Variants in HS3ST3A1 observed in about 807,000 individuals in gnomAD.
HS3ST3A1 encodes heparan sulfate-glucosamine 3-sulfotransferase 3A1, also known as heparan sulfate glucosamine 3-O-sulfotransferase 3A1.
Under a neutral mutation model 25.7 loss-of-function variants are expected in HS3ST3A1, and 19 were observed. The ratio of observed to expected loss-of-function variants is 0.74; its 90% CI spans 0.52 to 1.08. The LOEUF is 1.08. HS3ST3A1 is among the 50% of genes least tolerant of loss of function. The pLI, the probability that HS3ST3A1 is intolerant of heterozygous loss-of-function variation, is 0.00. For missense variants in HS3ST3A1, 459 were observed against 594.3 expected (o/e 0.77, Z 2.37); for synonymous variants, 226 against 278.6 (o/e 0.81, Z 1.88).
chr17:13,596,694 C>T (rs1908587754), intron 1 of HS3ST3A1, among the ~76,000 whole-genome samples: 1 of 152,130 alleles, frequency 6.6e-6, no homozygotes, highest in South Asian at 2.1e-4. Context: ...GACAGAGCGC[C>T]CTTGGCCATC....
chr17:13,549,395 G>T lies in HS3ST3A1; in HGVS notation c.599+51136C>A, dbSNP rs138765977. Reference sequence around the variant, plus strand: ...TCATTCTTGAAGTCAGCAAGACCAAGAACCCACCGGAAGGAATAAATTCGG... The same window carrying T: ...TCATTCTTGAAGTCAGCAAGACCAATAACCCACCGGAAGGAATAAATTCGG... On this transcript the variant is annotated intron_variant, in intron 1 of 1. Coordinates refer to ENST00000284110, the MANE Select transcript of HS3ST3A1 (RefSeq NM_006042.3). Among the ~76,000 whole-genome samples, 19 of 152,324 alleles carry T rather than the reference G, an allele frequency of 1.2e-4. No individual in the cohort carries two copies. The East Asian group carries it at 3.7e-3, about 29-fold the overall frequency.
chr17:13,502,902 C>A (rs1261647785), intron 1 of HS3ST3A1, among the ~76,000 whole-genome samples: 4 of 149,668 alleles, frequency 2.7e-5, no homozygotes, highest in African/African-American at 9.8e-5. Context: ...AAAATAGGGC[C>A]AGGGGTGGTG....
At chr17:13,499,666 T>C (rs1277295839) in intron 1 of HS3ST3A1, among the ~76,000 whole-genome samples, 1 of 151,968 alleles carries the variant, frequency 6.6e-6, no homozygotes, top group Non-Finnish European at 1.5e-5. Context: ...AGGCTATAGA[T>C]TGCGCTGGGC....
At chr17:13,521,119 G>T (rs1906221091) in intron 1 of HS3ST3A1, among the ~76,000 whole-genome samples, 1 of 152,156 alleles carries the variant, frequency 6.6e-6, no homozygotes, top group South Asian at 2.1e-4. Flanking sequence ...CCAAACTCTT[G>T]CTTCTGAGTT....
At chr17:13,525,286 T>G (rs1210734502) in intron 1 of HS3ST3A1, among the ~76,000 whole-genome samples, 2 of 152,234 alleles carry the variant, frequency 1.3e-5, no homozygotes, top group East Asian at 3.8e-4. Flanking sequence ...CCATATCAGG[T>G]AATTTGGACA....
At chr17:13,550,707 A>AAACAACAACAACAACAAC (rs150129442) in intron 1 of HS3ST3A1, among the ~76,000 whole-genome samples, 21 of 151,382 alleles carry the variant, frequency 1.4e-4, no homozygotes, top group African/African-American at 5.1e-4. Context: ...GCAAACACCA[A>AAACAACAACAACAACAAC]AACAACAACA....
intron 1 of HS3ST3A1, among the ~76,000 whole-genome samples, chr17:13,593,462 C>A (rs933080069): frequency 2.0e-5 from 3 of 151,982 alleles, no homozygotes; most frequent in East Asian, 1.9e-4. Context: ...GGTTCGGAAA[C>A]AAGAGAGTAG....
intron 1 of HS3ST3A1, among the ~76,000 whole-genome samples, chr17:13,568,351 T>C (rs1907726262): frequency 6.6e-6 from 1 of 152,218 alleles, no homozygotes; most frequent in Non-Finnish European, 1.5e-5. Flanking sequence ...TATTGTAATA[T>C]TTGCTTTACT....
intron 1 of HS3ST3A1, among the ~76,000 whole-genome samples, chr17:13,560,295 A>AAAAAAAAAAAAAAAAAAAAAAAG: frequency 7.9e-6 from 1 of 126,154 alleles, no homozygotes; most frequent in South Asian, 2.8e-4. Context: ...TCTCCAAAAA[A>AAAAAAAAAAAAAAAAAAAAAAAG]AAAAAAAAAA....
At chr17:13,582,509 A>G (rs1272781120) in intron 1 of HS3ST3A1, among the ~76,000 whole-genome samples, 2 of 152,246 alleles carry the variant, frequency 1.3e-5, no homozygotes, top group Non-Finnish European at 2.9e-5. Context: ...AGCTATTTAA[A>G]TGAACTATGC....
chr17:13,528,401 T>A (rs1016504766), intron 1 of HS3ST3A1, among the ~76,000 whole-genome samples: 5 of 152,208 alleles, frequency 3.3e-5, no homozygotes, highest in African/African-American at 1.2e-4. Context: ...AGGCTCCATC[T>A]CACTCTCGAG....
chr17:13,590,486 T>A (rs1316646434), intron 1 of HS3ST3A1, among the ~76,000 whole-genome samples: 1 of 152,208 alleles, frequency 6.6e-6, no homozygotes, highest in African/African-American at 2.4e-5. Context: ...AGCCCTGAGT[T>A]CTTGTCTTTC....
chr17:13,521,207 G>A (rs1014872579), intron 1 of HS3ST3A1, among the ~76,000 whole-genome samples: 1 of 152,172 alleles, frequency 6.6e-6, no homozygotes, highest in Non-Finnish European at 1.5e-5. Flanking sequence ...TCTGCTTTCA[G>A]ATCCTTTGCT....
intron 1 of HS3ST3A1, among the ~76,000 whole-genome samples, chr17:13,587,173 A>T (rs1908298171): frequency 6.6e-6 from 1 of 151,672 alleles, no homozygotes; most frequent in African/African-American, 2.4e-5. Context: ...ATAATCTTTG[A>T]GGCCGGGCAC....
In HS3ST3A1 at chr17:13,600,803, C is replaced by G; in HGVS notation, c.327G>C (p.Glu109Asp). ...RRPPAPRDDG[E>D]EAAWEEESPG... ...GGGACTCTTCTTCCCAGGCCGCCTC[C>G]TCGCCGTCGTCGCGGGGCGCGGGCG... The change falls in exon 1 of 2, where the codon GAG becomes GAC. Residue 109 changes from glutamate (E) to aspartate (D), a missense_variant. Coordinates refer to ENST00000284110, the MANE Select transcript of HS3ST3A1 (RefSeq NM_006042.3). 7.0e-7 allele frequency: 1 copy of G among 1,421,052 alleles called. No individual in the cohort carries two copies. Among genetic ancestry groups the G allele is most frequent in the Non-Finnish European group, 9.1e-7 (1 of 1,100,924 alleles). 88.0% of individuals were successfully genotyped at this position (1,421,052 alleles called of 1,614,324 possible).
chr17:13,542,625 C>T (rs1007890905), intron 1 of HS3ST3A1, among the ~76,000 whole-genome samples: 224 of 151,984 alleles, frequency 1.5e-3, no homozygotes, highest in African/African-American at 4.1e-3. Context: ...TGTGATATTT[C>T]GAAATATCAC....
chr17:13,552,920 AC>A (rs1452091779), intron 1 of HS3ST3A1, among the ~76,000 whole-genome samples: 3 of 152,214 alleles, frequency 2.0e-5, no homozygotes, highest in African/African-American at 7.2e-5. Flanking sequence ...TGGTAGACTT[AC>A]AGTCCTCCCC....
chr17:13,567,367 G>A (rs532357487), intron 1 of HS3ST3A1, among the ~76,000 whole-genome samples: 3 of 152,316 alleles, frequency 2.0e-5, no homozygotes, highest in Non-Finnish European at 4.4e-5. Context: ...TAAGATGAAT[G>A]TTGTTTTTTA....
At chr17:13,551,687 T>C (rs368432057) in intron 1 of HS3ST3A1, among the ~76,000 whole-genome samples, 6 of 152,134 alleles carry the variant, frequency 3.9e-5, no homozygotes, top group African/African-American at 1.4e-4. Context: ...TTCATGCTTG[T>C]CCTCAAACAG....
Sources: allele counts gnomAD v4.1 joint callset (sites outside exome capture counted in the v4.1 genomes callset), GRCh38; gene constraint gnomAD v4.1.1; transcripts MANE v1.5; gene names NCBI Gene and HGNC (gene_info 2026-07-23, HGNC 2026-07-21).